CDYL2: variants seen among roughly 807,000 people sequenced by gnomAD.
CDYL2 encodes chromodomain Y like 2, also known as chromodomain Y-like protein 2.
In CDYL2, 23 loss-of-function variants were observed where a neutral mutation model predicts 49.4. That is an observed-to-expected ratio of 0.47 (90% CI 0.34 to 0.66). The LOEUF is 0.66. Among genes scored for constraint, CDYL2 ranks in the 30% least tolerant of loss-of-function variants. CDYL2 has a pLI of 0.01. For missense variants in CDYL2, 678 were observed against 656.4 expected, an observed-to-expected ratio of 1.03 and a Z score of -0.36; for synonymous variants, 360 against 268.8, an observed-to-expected ratio of 1.34 and a Z score of -3.32.
At chr16:80,658,293 T>TG (rs768072720) in intron 2 of CDYL2, among the ~76,000 whole-genome samples, 3 of 151,974 alleles carry the variant, frequency 2.0e-5, no homozygotes, top group Non-Finnish European at 4.4e-5. Context: ...GCAATAAAGA[T>TG]GGGGGGTGGA....
chr16:80,737,074 C>G (rs1403682046), intron 1 of CDYL2, among the ~76,000 whole-genome samples: 1 of 152,158 alleles, frequency 6.6e-6, no homozygotes, highest in African/African-American at 2.4e-5. Context: ...CTTCATGCCC[C>G]CTTTGCAGGC....
intron 1 of CDYL2, among the ~76,000 whole-genome samples, chr16:80,737,009 T>C (rs1905556647): frequency 6.6e-6 from 1 of 152,192 alleles, no homozygotes; most frequent in Admixed American, 6.5e-5. Context: ...TGCCTTTCTT[T>C]TGTTACGTGG....
chr16:80,774,045 T>G (rs375825724), intron 1 of CDYL2, among the ~76,000 whole-genome samples: 1 of 152,258 alleles, frequency 6.6e-6, no homozygotes, highest in African/African-American at 2.4e-5. Flanking sequence ...GACTTGATAA[T>G]GAAACAGGTA....
chr16:80,645,518 C>T (rs937432942), intron 2 of CDYL2, among the ~76,000 whole-genome samples: 34 of 152,270 alleles, frequency 2.2e-4, no homozygotes, highest in Non-Finnish European at 4.3e-4. Context: ...GAAATAGGAA[C>T]ACTTTTACAC....
At position 80,774,277 on chromosome 16, in the gene CDYL2, T is replaced by A. The variant is rs8050009; in HGVS notation, c.24+29873A>T. 6.7e-4 allele frequency among the ~76,000 whole-genome samples: 102 copies of A among 152,170 alleles called. 1 individual carries two copies. Among genetic ancestry groups the A allele is most frequent in the African/African-American group, 2.4e-3 (100 of 41,510 alleles). Reference sequence around the variant, plus strand: ...ACAATACGGATGGAACTGGAGAACATTATGCTAATAAGCCAGGCGCTGAAA... The same window carrying A: ...ACAATACGGATGGAACTGGAGAACAATATGCTAATAAGCCAGGCGCTGAAA... On this transcript the variant is annotated intron_variant, in intron 1 of 6. Transcript: ENST00000570137.
intron 1 of CDYL2, among the ~76,000 whole-genome samples, chr16:80,770,217 T>C (rs974921195): frequency 2.0e-5 from 3 of 152,190 alleles, no homozygotes; most frequent in African/African-American, 7.2e-5. Flanking sequence ...TAATCAATCA[T>C]ATAATCCTGA....
Position 80,719,902 on chromosome 16 carries a change from T to G in CDYL2, c.25-34773A>C, listed in dbSNP as rs562078415. Among the ~76,000 whole-genome samples, 442 of 152,230 alleles carry G rather than the reference T, an allele frequency of 2.9e-3. 3 individuals carry two copies. The highest frequency in any genetic ancestry group is 9.9e-3 in the African/African-American group (412 of 41,538). Reference sequence around the variant, plus strand: ...GCTACCTGCTGTCCAACCCTGGCCCTCCCCTGGCATAGAGAGGCCAAAGGC... The same window carrying G: ...GCTACCTGCTGTCCAACCCTGGCCCGCCCCTGGCATAGAGAGGCCAAAGGC... On this transcript the variant is annotated intron_variant, in intron 1 of 6. Coordinates refer to ENST00000570137, the MANE Select transcript of CDYL2 (RefSeq NM_152342.4).
At chr16:80,686,960 G>T (rs1445622994) in intron 1 of CDYL2, among the ~76,000 whole-genome samples, 1 of 152,148 alleles carries the variant, frequency 6.6e-6, no homozygotes, top group African/African-American at 2.4e-5. Flanking sequence ...TAACATTTTT[G>T]AAAAAGTAAA....
intron 1 of CDYL2, chr16:80,742,333 GGGATGGATGGATGGACTGACAAATGGAT>G (rs1905766884): frequency 1.3e-5 from 2 of 152,064 alleles, no homozygotes; most frequent in African/African-American, 4.8e-5. Flanking sequence ...ATGGATGGAT[GGGATGGATGGATGGACTGACAAATGGAT>G]GGATGGATGA....
intron 2 of CDYL2, among the ~76,000 whole-genome samples, chr16:80,673,306 C>G (rs1484524960): frequency 6.6e-6 from 1 of 151,974 alleles, no homozygotes; most frequent in African/African-American, 2.4e-5. Context: ...GGCGACAGAG[C>G]AAGACTCTGT....
intron 2 of CDYL2, among the ~76,000 whole-genome samples, chr16:80,645,559 T>C (rs1294216849): frequency 6.6e-6 from 1 of 152,108 alleles, no homozygotes; most frequent in Non-Finnish European, 1.5e-5. Flanking sequence ...AGTTCAACCA[T>C]TGTGGAAGAC....
chr16:80,785,985 T>C (rs1038009934), intron 1 of CDYL2, among the ~76,000 whole-genome samples: 8 of 152,150 alleles, frequency 5.3e-5, no homozygotes, highest in Admixed American at 6.5e-5. Flanking sequence ...AAGACTTAAA[T>C]GTAAGACCTA....
intron 1 of CDYL2, among the ~76,000 whole-genome samples, chr16:80,766,277 T>C (rs1280877512): frequency 6.6e-6 from 1 of 151,756 alleles, no homozygotes; most frequent in Non-Finnish European, 1.5e-5. Context: ...ATACAACTTT[T>C]ATTGACAAAA....
intron 2 of CDYL2, among the ~76,000 whole-genome samples, chr16:80,665,699 A>G (rs1909233952): frequency 6.6e-6 from 1 of 152,036 alleles, no homozygotes; most frequent in Admixed American, 6.6e-5. Flanking sequence ...AGATGGGAGA[A>G]GCTTCCAGAG....
chr16:80,737,421 A>T (rs1435805622), intron 1 of CDYL2, among the ~76,000 whole-genome samples: 1 of 152,202 alleles, frequency 6.6e-6, no homozygotes, highest in Non-Finnish European at 1.5e-5. Flanking sequence ...GGGAAGTGGC[A>T]GCCAGCAAGT....
chr16:80,739,382 C>T (rs1905653583), intron 1 of CDYL2, among the ~76,000 whole-genome samples: 1 of 152,070 alleles, frequency 6.6e-6, no homozygotes, highest in South Asian at 2.1e-4. Context: ...GAAATGCACA[C>T]TTAAAAATGG....
At chr16:80,746,470 G>A (rs7199769) in intron 1 of CDYL2, among the ~76,000 whole-genome samples, 127,254 of 152,156 alleles carry the variant, frequency 0.84, 54,393 homozygotes, top group Non-Finnish European at 0.93. Context: ...TGTGAATTCT[G>A]AGCAATTTTC....
chr16:80,709,743 C>G (rs1904529775), intron 1 of CDYL2, among the ~76,000 whole-genome samples: 1 of 152,086 alleles, frequency 6.6e-6, no homozygotes, highest in Non-Finnish European at 1.5e-5. Flanking sequence ...AACTTTCAGT[C>G]TTTTTTAAGG....
chr16:80,610,822 C>T (rs1221261574), intron 5 of CDYL2, among the ~76,000 whole-genome samples: 6 of 152,160 alleles, frequency 3.9e-5, no homozygotes, highest in African/African-American at 1.2e-4. Context: ...TTCTCTGGCA[C>T]TTTTGTGGGT....
Sources: gnomAD v4.1 joint callset for allele counts (sites outside exome capture counted in the v4.1 genomes callset) on GRCh38, gnomAD v4.1.1 for gene constraint, MANE v1.5 for transcripts, NCBI Gene and HGNC (gene_info 2026-07-23, HGNC 2026-07-21) for gene names.